KLF12: variants seen among roughly 807,000 people sequenced by gnomAD.
KLF12 encodes KLF transcription factor 12.
KLF12 carries 9 observed loss-of-function variants against 37.8 expected under a neutral mutation model. The observed-to-expected ratio is 0.24, with a 90% CI of 0.14 to 0.42. KLF12 has a LOEUF of 0.42. Among genes scored for constraint, KLF12 ranks in the 10% least tolerant of loss-of-function variants. KLF12 has a pLI of 1.00. For synonymous variants in KLF12, 208 were observed against 202.1 expected (o/e 1.03, Z -0.25); for missense variants, 411 against 516.0 (o/e 0.80, Z 1.97).
At chr13:73,737,595 A>C (rs1455887459) in intron 6 of KLF12, among the ~76,000 whole-genome samples, 3 of 152,184 alleles carry the variant, frequency 2.0e-5, no homozygotes, top group African/African-American at 4.8e-5. Flanking sequence ...ATACCTGTGA[A>C]TCAGGTACGA....
chr13:73,774,769 T>G (rs771445090), intron 5 of KLF12, among the ~76,000 whole-genome samples: 1 of 152,228 alleles, frequency 6.6e-6, no homozygotes, highest in Non-Finnish European at 1.5e-5. Context: ...AATACAGATC[T>G]ATTAGAAATT....
chr13:73,730,695 T>G (rs949385902), intron 6 of KLF12, among the ~76,000 whole-genome samples: 26 of 152,046 alleles, frequency 1.7e-4, no homozygotes, highest in Admixed American at 1.6e-3. Flanking sequence ...AATACTGGTA[T>G]GTGGATGTGT....
At chr13:73,784,853 G>A (rs1881222127) in intron 5 of KLF12, among the ~76,000 whole-genome samples, 1 of 151,818 alleles carries the variant, frequency 6.6e-6, no homozygotes. Context: ...AGCCAGGATG[G>A]TCTCAATCTC....
At chr13:74,134,305 C>G (rs992432160), upstream of KLF12, among the ~76,000 whole-genome samples, 1 of 151,734 alleles carries the variant, frequency 6.6e-6, no homozygotes, top group Non-Finnish European at 1.5e-5. Flanking sequence ...GGGGCGGCGG[C>G]GGGGAGGGGC....
chr13:74,256,404 C>T, the KLF12 span, among the ~76,000 whole-genome samples: 332 of 152,284 alleles, frequency 2.2e-3, no homozygotes, highest in Middle Eastern at 3.4e-3. Context: ...GAGGATGGAA[C>T]TTGTTCATCT....
intron 5 of KLF12, among the ~76,000 whole-genome samples, chr13:73,778,513 C>T (rs1056075206): frequency 7.9e-5 from 12 of 152,138 alleles, no homozygotes; most frequent in Admixed American, 2.6e-4. Context: ...GCGCCTGCCA[C>T]CACGCCCCGT....
chr13:74,162,642 C>A, the KLF12 span, among the ~76,000 whole-genome samples: 3 of 152,140 alleles, frequency 2.0e-5, no homozygotes, highest in African/African-American at 7.2e-5. Context: ...TGGGATTCTG[C>A]CTGTTTATTC....
chr13:73,943,680 CT>C (rs994502794), intron 3 of KLF12, among the ~76,000 whole-genome samples: 5 of 152,186 alleles, frequency 3.3e-5, no homozygotes, highest in African/African-American at 1.2e-4. Flanking sequence ...AATACTTCCT[CT>C]TTGCTTTGGA....
chr13:73,744,713 G>C (rs1017471230), intron 6 of KLF12, among the ~76,000 whole-genome samples: 1 of 152,174 alleles, frequency 6.6e-6, no homozygotes, highest in Non-Finnish European at 1.5e-5. Context: ...TGCTGCCTAG[G>C]ATGAGCATGA....
intron 7 of KLF12, among the ~76,000 whole-genome samples, chr13:73,704,379 C>G (rs1458667162): frequency 6.6e-6 from 1 of 152,158 alleles, no homozygotes; most frequent in Non-Finnish European, 1.5e-5. Flanking sequence ...AACAGTAATT[C>G]CATCTACTCA....
chr13:74,038,910 G>GA lies in KLF12; in HGVS notation c.-31-43858dup, dbSNP rs148706265. Among the ~76,000 whole-genome samples, 123 of 145,758 alleles carry GA rather than the reference G, an allele frequency of 8.4e-4. 3 individuals are homozygous for GA. The highest frequency in any genetic ancestry group is 7.0e-3 in the Admixed American group (102 of 14,676). ...ACTTAGGGACGATAACATCCCAGGG[G>GA]AAAAAAAAATGCTTTATGCTATTAG... On this transcript the variant is annotated intron_variant, in intron 1 of 7. Coordinates refer to ENST00000377669, the MANE Select transcript of KLF12 (RefSeq NM_007249.5).
chr13:73,780,582 C>T (rs1323736025), intron 5 of KLF12, among the ~76,000 whole-genome samples: 1 of 152,016 alleles, frequency 6.6e-6, no homozygotes. Flanking sequence ...CAAGTTCAAG[C>T]GATTCTCCTG....
At chr13:73,724,833 A>G (rs1451377223) in intron 6 of KLF12, among the ~76,000 whole-genome samples, 1 of 152,232 alleles carries the variant, frequency 6.6e-6, no homozygotes, top group Non-Finnish European at 1.5e-5. Flanking sequence ...CTTGACCCCT[A>G]GAGCTAAGAC....
chr13:73,971,973 T>C (rs577774602), intron 2 of KLF12, among the ~76,000 whole-genome samples: 1 of 152,168 alleles, frequency 6.6e-6, no homozygotes, highest in East Asian at 1.9e-4. Flanking sequence ...AGCTGTACAA[T>C]TACACTCATC....
In KLF12 at chr13:73,934,608, T is replaced by C. The variant is rs1390473128; in HGVS notation, c.123+9373A>G. ...AAGAAGACTGATTTATCTTCCTTCA[T>C]GTGTAAGGTGTATTTTTTGCCCCCT... On this transcript the variant is annotated intron_variant, in intron 3 of 7. Coordinates refer to ENST00000377669, the MANE Select transcript of KLF12 (RefSeq NM_007249.5). Among the ~76,000 whole-genome samples the C allele has an allele frequency of 3.3e-5, 5 of 152,182 alleles. No individual in the cohort carries two copies. The South Asian group carries it at 8.3e-4, about 25-fold the overall frequency.
chr13:74,046,820 G>T (rs1379876411), intron 1 of KLF12, among the ~76,000 whole-genome samples: 1 of 152,052 alleles, frequency 6.6e-6, no homozygotes, highest in Non-Finnish European at 1.5e-5. Flanking sequence ...TTACTACTGT[G>T]TCCTATAAAG....
intron 4 of KLF12, among the ~76,000 whole-genome samples, chr13:73,824,796 G>T (rs551737203): frequency 6.6e-6 from 1 of 152,042 alleles, no homozygotes; most frequent in Admixed American, 6.5e-5. Flanking sequence ...GGCTGGGCGC[G>T]GTGGCTCACA....
chr13:73,820,721 G>C (rs1184412738), intron 4 of KLF12, among the ~76,000 whole-genome samples: 1 of 152,194 alleles, frequency 6.6e-6, no homozygotes, highest in Admixed American at 6.5e-5. Context: ...TCACTTGACA[G>C]TGTAATGGCT....
intron 2 of KLF12, among the ~76,000 whole-genome samples, chr13:73,978,664 T>G (rs896284046): frequency 6.6e-6 from 1 of 152,214 alleles, no homozygotes; most frequent in African/African-American, 2.4e-5. Flanking sequence ...TCTTACTCTT[T>G]GGTATTTAGC....
Sources: gnomAD v4.1 joint callset for allele counts (sites outside exome capture counted in the v4.1 genomes callset) on GRCh38, gnomAD v4.1.1 for gene constraint, MANE v1.5 for transcripts, NCBI Gene and HGNC (gene_info 2026-07-23, HGNC 2026-07-21) for gene names.